Variants in SLC45A4 observed in about 807,000 individuals in gnomAD.
SLC45A4 encodes solute carrier family 45 member 4, also known as polyamine-transporter SLC45A4.
SLC45A4 carries 32 observed loss-of-function variants against 63.7 expected under a neutral mutation model. That is an observed-to-expected ratio of 0.50 (90% CI 0.38 to 0.67). SLC45A4 has a LOEUF of 0.67. SLC45A4 is among the 30% of genes least tolerant of loss of function. The pLI, the probability that SLC45A4 is intolerant of heterozygous loss-of-function variation, is 0.00. For synonymous variants in SLC45A4, 535 were observed against 510.0 expected, an observed-to-expected ratio of 1.05 and a Z score of -0.66; for missense variants, 1,027 against 1,157.7, an observed-to-expected ratio of 0.89 and a Z score of 1.64.
intron 1 of SLC45A4, among the ~76,000 whole-genome samples, chr8:141,299,046 G>A (rs572359582): frequency 6.6e-6 from 1 of 152,278 alleles, no homozygotes; most frequent in East Asian, 1.9e-4. Context: ...CGGCACGGAT[G>A]CAGATGCCGC....
At chr8:141,295,487 A>G (rs1830510129) in intron 1 of SLC45A4, among the ~76,000 whole-genome samples, 2 of 152,260 alleles carry the variant, frequency 1.3e-5, no homozygotes, top group African/African-American at 2.4e-5. Context: ...AAGTGTTATC[A>G]GGAACTACCG....
intron 1 of SLC45A4, among the ~76,000 whole-genome samples, chr8:141,276,787 C>T (rs748783795): frequency 6.6e-6 from 1 of 152,234 alleles, no homozygotes; most frequent in Non-Finnish European, 1.5e-5. Context: ...CACACGGGCT[C>T]AGAAGCTCTA....
chr8:141,293,299 A>G lies in SLC45A4; in HGVS notation c.-401+14797T>C, dbSNP rs190983410. On this transcript the variant is annotated intron_variant, in intron 1 of 8. Transcript: ENST00000517878. The stretch of plus-strand genomic sequence containing the variant: ...GAAACCCCATCTCTACTAAAAATAC[A>G]AAAAACTAGCCAGGAGTGGTGGCAG... 3.6e-3 allele frequency among the ~76,000 whole-genome samples: 554 copies of G among 152,156 alleles called. 4 individuals carry two copies. Among genetic ancestry groups the G allele is most frequent in the South Asian group, 0.016 (78 of 4,828 alleles).
intron 7 of SLC45A4, among the ~76,000 whole-genome samples, chr8:141,212,937 G>A (rs1825927068): frequency 6.6e-6 from 1 of 152,252 alleles, no homozygotes; most frequent in Admixed American, 6.5e-5. Context: ...GTGAGCCCAG[G>A]TTGATGCCTC....
chr8:141,288,226 A>G (rs908469548), intron 1 of SLC45A4, among the ~76,000 whole-genome samples: 1 of 152,216 alleles, frequency 6.6e-6, no homozygotes, highest in Admixed American at 6.5e-5. Context: ...GCTGCCCTTC[A>G]GAGCCTCGAG....
chr8:141,289,437 C>T (rs1197915910), intron 1 of SLC45A4, among the ~76,000 whole-genome samples: 13 of 152,178 alleles, frequency 8.5e-5, no homozygotes, highest in Admixed American at 8.5e-4. Flanking sequence ...TTATCTCAAC[C>T]GTGGCTCAGC....
rs1329728648 is a variant in SLC45A4, at chr8:141,209,428, G to A, written c.*2144C>T. 3 of 152,348 alleles carry A rather than the reference G, an allele frequency of 2.0e-5. No homozygotes were observed. The highest frequency in any genetic ancestry group is 6.5e-5 in the Admixed American group (1 of 15,280). The allele number at this position is 152,348 out of a possible 1,614,324, so 9.4% of individuals were successfully genotyped here. On this transcript the variant is annotated 3_prime_UTR_variant, in exon 9 of 9. Transcript: ENST00000517878. Reference sequence around the variant, plus strand: ...AAGATGTCGTGACCTGGTCCCCGCTGTGGCCAGGCCGGGCCCACACGCACC... The same window carrying A: ...AAGATGTCGTGACCTGGTCCCCGCTATGGCCAGGCCGGGCCCACACGCACC...
At chr8:141,243,209 A>C (rs1363760945) in intron 2 of SLC45A4, among the ~76,000 whole-genome samples, 1 of 152,200 alleles carries the variant, frequency 6.6e-6, no homozygotes, top group Non-Finnish European at 1.5e-5. Context: ...AAGACACTGC[A>C]TGTGGCTCAG....
chr8:141,237,704 G>T (rs1775958382), intron 2 of SLC45A4, among the ~76,000 whole-genome samples: 1 of 152,086 alleles, frequency 6.6e-6, no homozygotes, highest in Non-Finnish European at 1.5e-5. Context: ...GATCCCTGGA[G>T]CGAGTGCTCA....
rs1005643510 is a variant in SLC45A4, at chr8:141,215,253, A to G, written c.1941+506T>C. Among the ~76,000 whole-genome samples the G allele has an allele frequency of 1.3e-5, 2 of 152,262 alleles. No individual in the cohort carries two copies. The highest frequency in any genetic ancestry group is 2.9e-5 in the Non-Finnish European group (2 of 68,040). On this transcript the variant is annotated intron_variant, in intron 7 of 8. Transcript: ENST00000517878. This position sits in a 1 kb window ranked among gnomAD's most constrained non-coding sequence, Gnocchi z 4.3. The stretch of plus-strand genomic sequence containing the variant: ...ATACACACAATTTCAACGATGAGCA[A>G]GAGTGTAAGGTATCTCGATGACTTT...
intron 2 of SLC45A4, among the ~76,000 whole-genome samples, chr8:141,246,708 C>A (rs1459860776): frequency 9.1e-6 from 1 of 109,668 alleles, no homozygotes; most frequent in African/African-American, 3.4e-5. Context: ...ATACTCCTCC[C>A]TGACCCCTCT....
chr8:141,262,501 G>T (rs1829078666), intron 1 of SLC45A4, among the ~76,000 whole-genome samples: 1 of 151,436 alleles, frequency 6.6e-6, no homozygotes, highest in Non-Finnish European at 1.5e-5. Flanking sequence ...AATCTACAAT[G>T]AACTCAAACA....
At chr8:141,231,941 C>T (rs1168749140) in intron 2 of SLC45A4, among the ~76,000 whole-genome samples, 1 of 152,236 alleles carries the variant, frequency 6.6e-6, no homozygotes, top group Non-Finnish European at 1.5e-5. Context: ...TCCATGGGCA[C>T]TGGAAGGTAG....
chr8:141,289,445 A>T (rs559335032), intron 1 of SLC45A4, among the ~76,000 whole-genome samples: 1 of 152,354 alleles, frequency 6.6e-6, no homozygotes, highest in African/African-American at 2.4e-5. Context: ...ACCGTGGCTC[A>T]GCATTCAAAC....
intron 1 of SLC45A4, among the ~76,000 whole-genome samples, chr8:141,284,141 C>T (rs757544126): frequency 3.9e-5 from 6 of 152,220 alleles, no homozygotes; most frequent in African/African-American, 1.2e-4. Context: ...CCAAACCACC[C>T]GCACCTAGAT....
At chr8:141,223,208 C>T (rs1826763224) in intron 2 of SLC45A4, among the ~76,000 whole-genome samples, 1 of 152,208 alleles carries the variant, frequency 6.6e-6, no homozygotes, top group Non-Finnish European at 1.5e-5. Context: ...TTGACCTTTG[C>T]ACTGCACACA....
At position 141,211,261 on chromosome 8, in the gene SLC45A4, G is replaced by GGGGT. The variant is rs1825787675; in HGVS notation, c.*310_*311insACCC. 4 of 491,746 alleles carry GGGGT rather than the reference G, an allele frequency of 8.1e-6. No homozygotes were observed. The highest frequency in any genetic ancestry group is 6.9e-6 in the Non-Finnish European group (2 of 288,442). The allele number at this position is 491,746 out of a possible 1,614,324, so 30.5% of individuals were successfully genotyped here. A position where few individuals can be genotyped will look rare whatever the true frequency, so the allele number is the denominator to read the frequency against. On this transcript the variant is annotated 3_prime_UTR_variant, in exon 9 of 9. Transcript: ENST00000517878. The stretch of plus-strand genomic sequence containing the variant: ...CGTTTCCTTCCCCCTGACGTTGGGA[G>GGGGT]CGGTCTGGAGGGGCAACCTGGCCTC...
chr8:141,285,361 G>C (rs1392416948), intron 1 of SLC45A4, among the ~76,000 whole-genome samples: 1 of 152,264 alleles, frequency 6.6e-6, no homozygotes, highest in Non-Finnish European at 1.5e-5. Context: ...TTGGAAGATA[G>C]GTGGTTCCCC....
At chr8:141,258,489 T>C (rs1481324595) in intron 1 of SLC45A4, among the ~76,000 whole-genome samples, 1 of 152,068 alleles carries the variant, frequency 6.6e-6, no homozygotes, top group East Asian at 1.9e-4. Flanking sequence ...ACCATCGGCC[T>C]CTCACATGGA....
Sources: gnomAD v4.1 joint callset for allele counts (sites outside exome capture counted in the v4.1 genomes callset) on GRCh38, gnomAD v4.1.1 for gene constraint, Gnocchi (gnomAD v3.1) non-coding constraint, MANE v1.5 for transcripts, NCBI Gene and HGNC (gene_info 2026-07-23, HGNC 2026-07-21) for gene names.